CAB39L: variants seen among roughly 807,000 people sequenced by gnomAD.
CAB39L encodes the protein calcium-binding protein 39-like.
CAB39L carries 23 observed loss-of-function variants against 39.1 expected under a neutral mutation model. The observed-to-expected ratio is 0.59, with a 90% CI of 0.42 to 0.83. CAB39L has a LOEUF of 0.83. Ranked by LOEUF, CAB39L falls within the 40% of genes least tolerant of loss-of-function variation. The pLI, the probability that CAB39L is intolerant of heterozygous loss-of-function variation, is 0.00. For missense variants in CAB39L, 366 were observed against 391.9 expected, an observed-to-expected ratio of 0.93 and a Z score of 0.56; for synonymous variants, 126 against 137.2, an observed-to-expected ratio of 0.92 and a Z score of 0.57.
intron 3 of CAB39L, among the ~76,000 whole-genome samples, chr13:49,431,606 C>T (rs1279766761): frequency 6.6e-6 from 1 of 151,950 alleles, no homozygotes; most frequent in Non-Finnish European, 1.5e-5. Flanking sequence ...ACTTATGAGG[C>T]TGTGGCAGGA....
intron 3 of CAB39L, among the ~76,000 whole-genome samples, chr13:49,400,443 AACACACACACACAC>A (rs60080189): frequency 7.2e-6 from 1 of 138,548 alleles, no homozygotes; most frequent in Admixed American, 7.2e-5. Flanking sequence ...TACAAACACA[AACACACACACACAC>A]ACACACACAC....
chr13:49,334,300 C>A (rs559983476), intron 9 of CAB39L, among the ~76,000 whole-genome samples: 16 of 152,170 alleles, frequency 1.1e-4, no homozygotes, highest in African/African-American at 3.9e-4. Flanking sequence ...AGAAAGTGAA[C>A]GAATAAACAA....
Position 49,308,781 on chromosome 13 carries a change from A to C in CAB39L, c.*2033T>G, listed in dbSNP as rs986092337. The C allele has an allele frequency of 6.6e-6, 1 of 152,582 alleles. No homozygotes were observed. The highest frequency in any genetic ancestry group is 1.5e-5 in the Non-Finnish European group (1 of 68,036). The allele number at this position is 152,582 out of a possible 1,614,324, so 9.5% of individuals were successfully genotyped here. A position where few individuals can be genotyped will look rare whatever the true frequency, so the allele number is the denominator to read the frequency against. On this transcript the variant is annotated 3_prime_UTR_variant, in exon 11 of 11. Transcript: ENST00000409308. The stretch of plus-strand genomic sequence containing the variant: ...TGTGCAAACAAATCCCCCTTTGTGC[A>C]AAGGGGGAGCTTCCTGCTCCCCCTT...
At chr13:49,438,268 C>T (rs920319961) in intron 1 of CAB39L, among the ~76,000 whole-genome samples, 4 of 152,166 alleles carry the variant, frequency 2.6e-5, no homozygotes, top group African/African-American at 9.7e-5. Context: ...CTCATTCACC[C>T]TCCTCTTTTC....
intron 3 of CAB39L, among the ~76,000 whole-genome samples, chr13:49,416,906 C>T (rs1424886742): frequency 3.9e-5 from 6 of 152,144 alleles, no homozygotes; most frequent in South Asian, 2.1e-4. Flanking sequence ...AGAGGTCCTA[C>T]GTATCCTGAT....
chr13:49,409,913 A>T (rs1956955647), intron 3 of CAB39L, among the ~76,000 whole-genome samples: 1 of 61,686 alleles, frequency 1.6e-5, no homozygotes, highest in African/African-American at 5.2e-5. Context: ...TCTCTATTTA[A>T]AAAAAAAAAA....
At chr13:49,435,321 T>TG (rs1399556331) in intron 1 of CAB39L, among the ~76,000 whole-genome samples, 7 of 152,350 alleles carry the variant, frequency 4.6e-5, no homozygotes. Context: ...TATGCTGCTA[T>TG]GACTAACCTC....
intron 10 of CAB39L, among the ~76,000 whole-genome samples, chr13:49,315,884 CAAAAAA>C (rs60700916): frequency 8.3e-6 from 1 of 120,322 alleles, no homozygotes; most frequent in Admixed American, 8.5e-5. Flanking sequence ...GTCTCCATCT[CAAAAAA>C]AAAAAAAAAG....
At chr13:49,408,056 T>C (rs1204348837) in intron 3 of CAB39L, among the ~76,000 whole-genome samples, 1 of 152,058 alleles carries the variant, frequency 6.6e-6, no homozygotes, top group Non-Finnish European at 1.5e-5. Context: ...TGAATGTGAA[T>C]TTGGCAGAAG....
chr13:49,358,761 G>T (rs1478935266), intron 6 of CAB39L, among the ~76,000 whole-genome samples: 1 of 152,098 alleles, frequency 6.6e-6, no homozygotes, highest in Non-Finnish European at 1.5e-5. Context: ...CCGGGAGGCT[G>T]AGGCAGGAGA....
rs115110110 is a variant in CAB39L at position 49,436,991 on chromosome 13, G to C, written c.-245-2768C>G. Among the ~76,000 whole-genome samples, 929 of 151,528 alleles carry C rather than the reference G, an allele frequency of 6.1e-3. 6 individuals are homozygous for C. Among genetic ancestry groups the C allele is most frequent in the African/African-American group, 0.02 (832 of 41,288 alleles). ...TCACTATAGTGCCCAGGCTGGGCTC[G>C]AACTCCTGGGCTCAAGTGATCCGCC... is the stretch of plus-strand genomic sequence containing the variant. On this transcript the variant is annotated intron_variant, in intron 1 of 10. Transcript: ENST00000409308.
chr13:49,443,701 A>C (rs1957589919), intron 1 of CAB39L, among the ~76,000 whole-genome samples: 1 of 152,126 alleles, frequency 6.6e-6, no homozygotes, highest in African/African-American at 2.4e-5. Flanking sequence ...CCCAGCCCCC[A>C]CAATGATCAA....
chr13:49,379,990 C>A (rs1051744140), intron 4 of CAB39L, among the ~76,000 whole-genome samples: 1 of 151,352 alleles, frequency 6.6e-6, no homozygotes, highest in Non-Finnish European at 1.5e-5. Flanking sequence ...TACAAGCACC[C>A]GCCACCACGC....
chr13:49,332,801 G>A (rs758032780), intron 9 of CAB39L, among the ~76,000 whole-genome samples: 7 of 151,768 alleles, frequency 4.6e-5, no homozygotes, highest in Non-Finnish European at 8.8e-5. Context: ...TAATTCTGGA[G>A]AACAGAATTA....
At chr13:49,377,958 GC>G (rs1283234675) in intron 4 of CAB39L, among the ~76,000 whole-genome samples, 2 of 76,532 alleles carry the variant, frequency 2.6e-5, no homozygotes, top group East Asian at 2.3e-4. Flanking sequence ...GAGCGTCTCT[GC>G]CCGGCCGCCC....
At position 49,354,825 on chromosome 13, in the gene CAB39L, G is replaced by T. The variant is rs374046543; in HGVS notation, c.396-3913C>A. ...ATGAAAGCCAAAATGTAAGAGCAAT[G>T]GTCTCAGCTGGCAGTGAGCTACAGT... On this transcript the variant is annotated intron_variant, in intron 6 of 10. Coordinates refer to ENST00000409308, the MANE Select transcript of CAB39L (RefSeq NM_001079670.3). Among the ~76,000 whole-genome samples the T allele has an allele frequency of 8.5e-5, 13 of 152,230 alleles. No individual in the cohort carries two copies. In the East Asian group the frequency reaches 2.3e-3, roughly 27 times the overall value.
At chr13:49,394,904 G>A (rs1000039244) in intron 3 of CAB39L, among the ~76,000 whole-genome samples, 12 of 151,982 alleles carry the variant, frequency 7.9e-5, no homozygotes, top group Non-Finnish European at 1.6e-4. Context: ...AAATAGAATG[G>A]AAATGTTAAT....
At chr13:49,375,179 A>T (rs566870528) in intron 5 of CAB39L, among the ~76,000 whole-genome samples, 4 of 152,144 alleles carry the variant, frequency 2.6e-5, no homozygotes, top group Non-Finnish European at 5.9e-5. Context: ...ATATATGTAT[A>T]TATTTTTATT....
rs1046807286 is a variant in CAB39L at position 49,357,297 on chromosome 13, C to T, written c.395+2417G>A. Among the ~76,000 whole-genome samples, 4 of 152,124 alleles carry T rather than the reference C, an allele frequency of 2.6e-5. No homozygotes were observed. In the East Asian group the frequency reaches 7.7e-4, roughly 29 times the overall value. The stretch of plus-strand genomic sequence containing the variant: ...CCTTACTCTCTCTGAGTTTCAGTTT[C>T]CTCATCTGTAAAATGGTAAAAAAAT... On this transcript the variant is annotated intron_variant, in intron 6 of 10. Coordinates refer to ENST00000409308, the MANE Select transcript of CAB39L (RefSeq NM_001079670.3).
Sources: gnomAD v4.1 joint callset for allele counts (sites outside exome capture counted in the v4.1 genomes callset) on GRCh38, gnomAD v4.1.1 for gene constraint, MANE v1.5 for transcripts, NCBI Gene and HGNC (gene_info 2026-07-23, HGNC 2026-07-21) for gene names.